Variants in RB1CC1 observed in about 807,000 individuals in gnomAD.
RB1CC1 encodes RB1 inducible coiled-coil 1.
A neutral mutation model predicts 177.5 loss-of-function variants in RB1CC1; 46 were observed. That is an observed-to-expected ratio of 0.26 (90% confidence interval 0.20 to 0.33). The LOEUF (loss-of-function observed/expected upper bound fraction) is 0.33, where lower values mean the gene tolerates loss of function less well. Ranked by LOEUF, RB1CC1 falls within the 10% of genes least tolerant of loss-of-function variation. The pLI is 1.00. For synonymous variants in RB1CC1, 666 were observed against 613.6 expected (o/e 1.09, Z -1.26); for missense variants, 1,703 against 1,816.3 (o/e 0.94, Z 1.13).
rs1849020737 is a variant in RB1CC1 at position 52,634,978 on chromosome 8, G to GA, written c.4393-11dup. On this transcript the variant is annotated splice_polypyrimidine_tract_variant and intron_variant, in intron 19 of 23. Coordinates refer to ENST00000025008, the MANE Select transcript of RB1CC1 (RefSeq NM_014781.5). The stretch of plus-strand genomic sequence containing the variant: ...CTTTCAATTGCAATGTCTGCAGGTG[G>GA]AAAAAAGAGACCTGTGGTTTATCCT... 6.2e-7 allele frequency: 1 copy of GA among 1,600,642 alleles called. No individual in the cohort carries two copies. The highest frequency in any genetic ancestry group is 8.5e-7 in the Non-Finnish European group (1 of 1,173,062).
intron 7 of RB1CC1, 136 bp from the exon 8 acceptor site, chr8:52,668,327 G>T: frequency 1.0e-6 from 1 of 958,958 alleles, no homozygotes; most frequent in Non-Finnish European, 1.5e-6. Context: ...GGAACTCTAA[G>T]TTATACTTTC....
At chr8:52,669,714 G>GTACT (rs1295593707) in intron 7 of RB1CC1, among the ~76,000 whole-genome samples, 4 of 152,058 alleles carry the variant, frequency 2.6e-5, no homozygotes, top group African/African-American at 9.7e-5. Flanking sequence ...CTACACCAGA[G>GTACT]TACTATGCAC....
chr8:52,661,585 C>T lies in RB1CC1; in HGVS notation c.1308G>A (p.Lys436=). The T allele has an allele frequency of 6.2e-7, 1 of 1,611,930 alleles. No homozygotes were observed. Among genetic ancestry groups the T allele is most frequent in the Non-Finnish European group, 8.5e-7 (1 of 1,179,274 alleles). ...CTAGTTCTTGTTTGGCAGTGGTACACTTCTGCTTAATATCTAACAGTTTTC... is the reference window on the plus strand; with the variant it reads ...CTAGTTCTTGTTTGGCAGTGGTACATTTCTGCTTAATATCTAACAGTTTTC... ...NHRKLLDIKQ[K]CTTAKQELAN... The change falls in exon 9 of 24, where the codon AAG becomes AAA. Residue 436 remains lysine (K), a synonymous_variant. Coordinates refer to ENST00000025008, the MANE Select transcript of RB1CC1 (RefSeq NM_014781.5).
chr8:52,624,926 C>T (rs1024102683), intron 22 of RB1CC1, 139 bp from the exon 23 acceptor site: 1 of 591,968 alleles, frequency 1.7e-6, no homozygotes, highest in Non-Finnish European at 2.8e-6. Flanking sequence ...CTACCGAAAT[C>T]ACTGAAATGC....
chr8:52,689,705 C>G (rs1854636115), intron 1 of RB1CC1, among the ~76,000 whole-genome samples: 1 of 152,124 alleles, frequency 6.6e-6, no homozygotes, highest in Non-Finnish European at 1.5e-5. Context: ...GCTTGAACTC[C>G]CTAAACAAAT....
chr8:52,712,947 T>C (rs79590707), intron 1 of RB1CC1, among the ~76,000 whole-genome samples: 3,600 of 152,320 alleles, frequency 0.024, 161 homozygotes, highest in African/African-American at 0.082. Context: ...TCTCACAGTT[T>C]TATCTGATCA....
rs150548889 is a variant in RB1CC1, at chr8:52,631,648, A to G, written c.4441-1120T>C. Among the ~76,000 whole-genome samples, 123 of 152,306 alleles carry G rather than the reference A, an allele frequency of 8.1e-4. 1 individual carries two copies. Among genetic ancestry groups the G allele is most frequent in the African/African-American group, 2.8e-3 (117 of 41,568 alleles). On this transcript the variant is annotated intron_variant, in intron 20 of 23. Transcript: ENST00000025008. ...ATGTCTACAAATGTAATCATTTATC[A>G]TGACCTACACGGCCAACATTGGTCC... is the stretch of plus-strand genomic sequence containing the variant.
intron 7 of RB1CC1, among the ~76,000 whole-genome samples, chr8:52,669,272 CTTTCAAGCCTCTCATCT>C (rs1394746844): frequency 6.6e-6 from 1 of 152,114 alleles, no homozygotes; most frequent in East Asian, 1.9e-4. Context: ...AGAAAAAAAT[CTTTCAAGCCTCTCATCT>C]TTTCAAGCTG....
chr8:52,707,247 G>A (rs1275898665), intron 1 of RB1CC1, among the ~76,000 whole-genome samples: 1 of 152,130 alleles, frequency 6.6e-6, no homozygotes, highest in Non-Finnish European at 1.5e-5. Flanking sequence ...TGAGTTTAGA[G>A]CTAGCAGTAA....
chr8:52,628,382 CA>C (rs1848538747), intron 21 of RB1CC1, among the ~76,000 whole-genome samples: 1 of 152,094 alleles, frequency 6.6e-6, no homozygotes, highest in Admixed American at 6.5e-5. Context: ...CAGGGGCTGT[CA>C]AAAACCAAAA....
At chr8:52,682,595 T>C (rs980981252) in intron 5 of RB1CC1, among the ~76,000 whole-genome samples, 1 of 152,218 alleles carries the variant, frequency 6.6e-6, no homozygotes, top group Non-Finnish European at 1.5e-5. Flanking sequence ...TAGTTTTAAT[T>C]GCTCTTTCTA....
At chr8:52,680,669 A>G (rs1853609360) in intron 5 of RB1CC1, among the ~76,000 whole-genome samples, 1 of 152,148 alleles carries the variant, frequency 6.6e-6, no homozygotes, top group Non-Finnish European at 1.5e-5. Flanking sequence ...AGCAGAACAG[A>G]TTTAAAAAAA....
intron 1 of RB1CC1, among the ~76,000 whole-genome samples, chr8:52,706,573 A>T (rs1206291549): frequency 6.6e-6 from 1 of 151,640 alleles, no homozygotes; most frequent in Non-Finnish European, 1.5e-5. Flanking sequence ...TCTACTAAAA[A>T]TACAAAAAAT....
rs747694173 is a variant in RB1CC1 at position 52,624,801 on chromosome 8, ATAGT to A, written c.4637-18_4637-15del. 2.0e-6 allele frequency: 3 copies of A among 1,472,434 alleles called. No individual in the cohort carries two copies. Among genetic ancestry groups the A allele is most frequent in the African/African-American group, 1.4e-5 (1 of 69,120 alleles). The allele number at this position is 1,472,434 out of a possible 1,614,324, so 91.2% of individuals were successfully genotyped here. ...ATGCACCTGAAGCTAATGAAATTAA[ATAGT>A]TAATCTCTTTTTGAAAGTATGATTA... On this transcript the variant is annotated splice_polypyrimidine_tract_variant and intron_variant, in intron 22 of 23. Coordinates refer to ENST00000025008, the MANE Select transcript of RB1CC1 (RefSeq NM_014781.5).
chr8:52,695,781 C>T (rs1407828548), intron 1 of RB1CC1, among the ~76,000 whole-genome samples: 2 of 152,124 alleles, frequency 1.3e-5, no homozygotes, highest in Non-Finnish European at 2.9e-5. Flanking sequence ...TCTGCCATTG[C>T]CTGATTTTAA....
At chr8:52,635,556 A>G (rs1310739861) in intron 19 of RB1CC1, among the ~76,000 whole-genome samples, 3 of 152,166 alleles carry the variant, frequency 2.0e-5, no homozygotes, top group African/African-American at 7.2e-5. Context: ...ACCCTTTATT[A>G]TCAGTTTTTT....
intron 15 of RB1CC1, among the ~76,000 whole-genome samples, chr8:52,647,680 A>T (rs1850175036): frequency 6.6e-6 from 1 of 152,176 alleles, no homozygotes; most frequent in Non-Finnish European, 1.5e-5. Context: ...ATAAAAAATA[A>T]GGCCAGGTTT....
intron 2 of RB1CC1, 47 bp from the exon 3 acceptor site, chr8:52,685,567 T>A: frequency 1.5e-6 from 1 of 671,196 alleles, no homozygotes; most frequent in African/African-American, 1.8e-5. Flanking sequence ...GCAACTACAA[T>A]CACAAATACT....
At chr8:52,711,464 A>T (rs1857056915) in intron 1 of RB1CC1, among the ~76,000 whole-genome samples, 1 of 152,214 alleles carries the variant, frequency 6.6e-6, no homozygotes, top group Non-Finnish European at 1.5e-5. Context: ...TCTACTCTAC[A>T]TCCTCAAAGT....
Sources: allele counts gnomAD v4.1 joint callset (sites outside exome capture counted in the v4.1 genomes callset), GRCh38; gene constraint gnomAD v4.1.1; transcripts MANE v1.5; gene names NCBI Gene and HGNC (gene_info 2026-07-23, HGNC 2026-07-21).